Variants in ERMP1 observed in about 807,000 individuals in gnomAD.
ERMP1 encodes the protein Felix-ina.
Under a neutral mutation model 92.0 loss-of-function variants are expected in ERMP1, and 86 were observed. The ratio of observed to expected loss-of-function variants is 0.93; its 90% CI spans 0.79 to 1.12. ERMP1 has a LOEUF of 1.12. ERMP1 is among the 50% of genes most tolerant of loss of function. The pLI, the probability that ERMP1 is intolerant of heterozygous loss-of-function variation, is 0.00. For synonymous variants in ERMP1, 530 were observed against 412.8 expected (o/e 1.28, Z -3.44); for missense variants, 1,342 against 1,116.3 (o/e 1.20, Z -2.88).
intron 6 of ERMP1, among the ~76,000 whole-genome samples, 192 bp from the exon 7 acceptor site, chr9:5,811,515 A>T (rs1434981098): frequency 6.6e-6 from 1 of 152,134 alleles, no homozygotes; most frequent in Non-Finnish European, 1.5e-5. Flanking sequence ...CACTTTTTTT[A>T]CTAAATTTCT....
chr9:5,823,415 T>C (rs1391457746), intron 4 of ERMP1, among the ~76,000 whole-genome samples: 1 of 152,192 alleles, frequency 6.6e-6, no homozygotes, highest in African/African-American at 2.4e-5. Flanking sequence ...CATGAAATGA[T>C]TGACATTTAA....
chr9:5,815,028 A>G (rs954319727), intron 4 of ERMP1, among the ~76,000 whole-genome samples: 2 of 152,184 alleles, frequency 1.3e-5, no homozygotes, highest in Admixed American at 6.5e-5. Context: ...TAAAGCATAA[A>G]AAGAAAAAAA....
chr9:5,828,140 T>C (rs887563183), intron 2 of ERMP1, among the ~76,000 whole-genome samples: 5 of 152,118 alleles, frequency 3.3e-5, no homozygotes, highest in Admixed American at 3.3e-4. Flanking sequence ...CTCTATTATT[T>C]AAAACATAAT....
intron 4 of ERMP1, among the ~76,000 whole-genome samples, chr9:5,816,745 T>C (rs150722802): frequency 1.3e-4 from 20 of 152,298 alleles, no homozygotes; most frequent in African/African-American, 2.6e-4. Flanking sequence ...TGTTGTAGAA[T>C]TGACTAGTGT....
At chr9:5,795,849 A>C (rs1828403786) in intron 13 of ERMP1, among the ~76,000 whole-genome samples, 1 of 152,004 alleles carries the variant, frequency 6.6e-6, no homozygotes, top group South Asian at 2.1e-4. Flanking sequence ...AAAAACAAAA[A>C]CAAATCTCCT....
At chr9:5,848,911 G>C (rs911008533) in intron 6 of ERMP1, among the ~76,000 whole-genome samples, 2 of 152,324 alleles carry the variant, frequency 1.3e-5, no homozygotes, top group African/African-American at 4.8e-5. Context: ...GGACCTATGT[G>C]GCTTACTATG....
chr9:5,831,759 G>A (rs1182716604), intron 1 of ERMP1, among the ~76,000 whole-genome samples: 2 of 152,170 alleles, frequency 1.3e-5, no homozygotes, highest in Non-Finnish European at 1.5e-5. Context: ...AAGGCGGGCG[G>A]GGGAAACTTT....
chr9:5,818,339 A>C (rs1227782098), intron 4 of ERMP1, among the ~76,000 whole-genome samples: 1 of 152,130 alleles, frequency 6.6e-6, no homozygotes, highest in Non-Finnish European at 1.5e-5. Flanking sequence ...GAGAGAGAAA[A>C]ATTAATGATG....
chr9:5,812,813 C>G, intron 5 of ERMP1, 76 bp downstream of exon 5: 1 of 1,501,098 alleles, frequency 6.7e-7, no homozygotes, highest in African/African-American at 1.4e-5. Flanking sequence ...GCTGTTTACT[C>G]ACATACTTTC....
chr9:5,817,409 C>T (rs1384666140), intron 4 of ERMP1, among the ~76,000 whole-genome samples: 2 of 152,022 alleles, frequency 1.3e-5, no homozygotes, highest in Non-Finnish European at 2.9e-5. Context: ...AGGCTGGTCT[C>T]GAACTCCTGA....
At position 5,784,907 on chromosome 9, in the gene ERMP1, C is replaced by G. The variant is rs887191529; in HGVS notation, c.*2237G>C. ...TAGAAAATAATGCATTTGTTAGTGACTTTGTTAGAGCTTGAAAAGACCCTT... is the reference window on the plus strand; with the variant it reads ...TAGAAAATAATGCATTTGTTAGTGAGTTTGTTAGAGCTTGAAAAGACCCTT... On this transcript the variant is annotated 3_prime_UTR_variant, in exon 15 of 15. Coordinates refer to ENST00000339450, the MANE Select transcript of ERMP1 (RefSeq NM_024896.3). 7.9e-5 allele frequency: 12 copies of G among 152,288 alleles called. No individual in the cohort carries two copies. The highest frequency in any genetic ancestry group is 2.6e-4 in the Admixed American group (4 of 15,272). The allele number at this position is 152,288 out of a possible 1,614,324, so 9.4% of individuals were successfully genotyped here. A position where few individuals can be genotyped will look rare whatever the true frequency, so the allele number is the denominator to read the frequency against.
intron 2 of ERMP1, among the ~76,000 whole-genome samples, chr9:5,828,428 T>C (rs1337819375): frequency 1.3e-5 from 2 of 152,178 alleles, no homozygotes; most frequent in Non-Finnish European, 2.9e-5. Flanking sequence ...AGTACAAAGG[T>C]TGATCAAGAA....
intron 11 of ERMP1, among the ~76,000 whole-genome samples, chr9:5,800,150 AAAATAC>A (rs1382172447): frequency 6.6e-6 from 1 of 152,236 alleles, no homozygotes; most frequent in Non-Finnish European, 1.5e-5. Context: ...TACAGAGTAT[AAAATAC>A]AAATAAGAAT....
intron 6 of ERMP1, among the ~76,000 whole-genome samples, chr9:5,858,325 A>G (rs1326440578): frequency 6.6e-6 from 1 of 152,202 alleles, no homozygotes; most frequent in Non-Finnish European, 1.5e-5. Context: ...AAAGAGAGGG[A>G]CAGGTTAAAG....
At position 5,805,638 on chromosome 9, in the gene ERMP1, A is replaced by C; in HGVS notation, c.1696T>G (p.Cys566Gly). 1 of 1,606,184 alleles carries C rather than the reference A, an allele frequency of 6.2e-7. No individual in the cohort carries two copies. The highest frequency in any genetic ancestry group is 2.3e-5 in the East Asian group (1 of 44,338). Residue 566 changes from cysteine to glycine, a missense_variant, in exon 9 of 15, where the codon TGT (cysteine) becomes GGT (glycine). Cys to Gly is a radical substitution (Grantham distance 159, BLOSUM62 -3). Coordinates refer to ENST00000339450, the MANE Select transcript of ERMP1 (RefSeq NM_024896.3). ...WVAFPLLTKL[C>G]VHKDFKQHGA... ...TGCTGCTTGAAGTCCTTATGCACAC[A>C]GAGCTTTGTGAGCAATGGGAATGCT...
intron 6 of ERMP1, 32 bp downstream of exon 6, chr9:5,812,093 T>C (rs749441364): frequency 7.8e-7 from 1 of 1,274,148 alleles, no homozygotes; most frequent in African/African-American, 1.5e-5. Flanking sequence ...TCCATCTTAG[T>C]GTATATCAAA....
At chr9:5,813,081 T>C in intron 4 of ERMP1, 46 bp from the exon 5 acceptor site, 1 of 1,604,770 alleles carries the variant, frequency 6.2e-7, no homozygotes, top group Non-Finnish European at 8.5e-7. Context: ...CCGGCAATTT[T>C]TTTTAACATA....
chr9:5,791,926 A>G (rs961743356), intron 13 of ERMP1, among the ~76,000 whole-genome samples: 2 of 152,232 alleles, frequency 1.3e-5, no homozygotes, highest in Non-Finnish European at 2.9e-5. Context: ...CAGTGTTACA[A>G]CAGATATACA....
At chr9:5,826,259 C>A (rs1829727863) in intron 2 of ERMP1, among the ~76,000 whole-genome samples, 1 of 152,182 alleles carries the variant, frequency 6.6e-6, no homozygotes, top group East Asian at 1.9e-4. Context: ...AGTAAATAAG[C>A]ACTAACGTAA....
Sources: allele counts gnomAD v4.1 joint callset (sites outside exome capture counted in the v4.1 genomes callset), GRCh38; gene constraint gnomAD v4.1.1; transcripts MANE v1.5; gene names NCBI Gene and HGNC (gene_info 2026-07-23, HGNC 2026-07-21).